Variants in ANKRD17 observed in about 807,000 individuals in gnomAD.
The protein encoded by ANKRD17 is ankyrin repeat domain-containing protein 17.
ANKRD17 carries 19 observed loss-of-function variants against 229.7 expected under a neutral mutation model. The observed-to-expected ratio is 0.08, with a 90% confidence interval of 0.06 to 0.12. The LOEUF is 0.12. ANKRD17 is among the 10% of genes least tolerant of loss of function. The pLI, the probability that ANKRD17 is intolerant of heterozygous loss-of-function variation, is 1.00. For missense variants in ANKRD17, 2,176 were observed against 3,176.8 expected (o/e 0.68, Z 7.57); for synonymous variants, 1,112 against 1,146.1 (o/e 0.97, Z 0.60).
intron 10 of ANKRD17, 58 bp downstream of exon 10, chr4:73,146,706 A>C: frequency 8.0e-7 from 1 of 1,251,166 alleles, no homozygotes; most frequent in Non-Finnish European, 1.1e-6. Context: ...GACTCTCCAT[A>C]ATTTAAAATT....
At chr4:73,226,639 C>T (rs1163488663) in intron 1 of ANKRD17, among the ~76,000 whole-genome samples, 1 of 149,912 alleles carries the variant, frequency 6.7e-6, no homozygotes, top group Non-Finnish European at 1.5e-5. Context: ...GTAATTCACC[C>T]GCCTCAGACT....
Position 73,170,536 on chromosome 4 carries a change from G to GGT in ANKRD17, c.547+6843_547+6844insAC, listed in dbSNP as rs1245052371. ...CAACAGTGACAGCACAGTTGGGGTCGGGGGGCGGGGGGCTGTTAAGTAGAA... is the reference window on the plus strand; with the variant it reads ...CAACAGTGACAGCACAGTTGGGGTCGGTGGGGGCGGGGGGCTGTTAAGTAGAA... On this transcript the variant is annotated intron_variant, in intron 2 of 33. Coordinates refer to ENST00000358602, the MANE Select transcript of ANKRD17 (RefSeq NM_032217.5). Among the ~76,000 whole-genome samples, 71 of 151,634 alleles carry GGT rather than the reference G, an allele frequency of 4.7e-4. No individual in the cohort carries two copies. In the South Asian group the frequency reaches 0.015, roughly 31 times the overall value.
intron 21 of ANKRD17, 91 bp from the exon 22 acceptor site, chr4:73,118,941 C>T: frequency 7.4e-7 from 1 of 1,343,926 alleles, no homozygotes; most frequent in Non-Finnish European, 9.9e-7. Flanking sequence ...GGCTGGAGTG[C>T]AGTGGTGAGA....
At position 73,077,115 on chromosome 4, in the gene ANKRD17, G is replaced by A; in HGVS notation, c.7588-11C>T. Reference sequence around the variant, plus strand: ...AGAAAAAGGCATACCCTTAAAAAAGGAAAACACACACATTAACATCCAAGT... The same window carrying A: ...AGAAAAAGGCATACCCTTAAAAAAGAAAAACACACACATTAACATCCAAGT... On this transcript the variant is annotated splice_polypyrimidine_tract_variant and intron_variant, in intron 32 of 33. Coordinates refer to ENST00000358602, the MANE Select transcript of ANKRD17 (RefSeq NM_032217.5). The A allele has an allele frequency of 1.9e-6, 3 of 1,553,224 alleles. No individual in the cohort carries two copies. Among genetic ancestry groups the A allele is most frequent in the Middle Eastern group, 3.4e-4 (2 of 5,802 alleles).
rs1412119276 is a variant in ANKRD17 at position 73,151,508 on chromosome 4, C to T, written c.1251G>A (p.Val417=). Residue 417 remains valine (V), a synonymous_variant, in exon 7 of 34, where the codon GTG becomes GTA. Transcript: ENST00000358602. ...LACYKGHLEM[V]RFLLEAGADQ... ...CCGCGCCTGCTTCCAAAAGAAATCG[C>T]ACCATCTCTAAGTGTCCTAAACCAA... 6.2e-7 allele frequency: 1 copy of T among 1,608,798 alleles called. No individual in the cohort carries two copies. Among genetic ancestry groups the T allele is most frequent in the Admixed American group, 1.7e-5 (1 of 59,608 alleles).
chr4:73,086,734 G>A (rs968251672), intron 29 of ANKRD17, among the ~76,000 whole-genome samples: 2 of 148,960 alleles, frequency 1.3e-5, no homozygotes, highest in South Asian at 2.1e-4. Context: ...GGCTACAGGT[G>A]TTCACCATTA....
chr4:73,116,816 C>T (rs1442163657), intron 22 of ANKRD17, among the ~76,000 whole-genome samples: 1 of 151,568 alleles, frequency 6.6e-6, no homozygotes, highest in African/African-American at 2.4e-5. Flanking sequence ...TATGTATATA[C>T]ATATATAGAC....
chr4:73,203,367 T>C (rs1251474417), intron 1 of ANKRD17, among the ~76,000 whole-genome samples: 1 of 152,148 alleles, frequency 6.6e-6, no homozygotes. Context: ...AAAAAAGATG[T>C]ACAGAGGCAA....
Position 73,204,614 on chromosome 4 carries a change from T to C in ANKRD17, c.394-27081A>G, listed in dbSNP as rs192169779. Among the ~76,000 whole-genome samples, 670 of 152,126 alleles carry C rather than the reference T, an allele frequency of 4.4e-3. 2 individuals carry two copies. The highest frequency in any genetic ancestry group is 6.6e-3 in the Non-Finnish European group (449 of 67,976). Reference sequence around the variant, plus strand: ...GTAATAAAGAGCACTAGAAATGGCATAAAATGGATATCTTCTTTTTCCTCA... The same window carrying C: ...GTAATAAAGAGCACTAGAAATGGCACAAAATGGATATCTTCTTTTTCCTCA... On this transcript the variant is annotated intron_variant, in intron 1 of 33. Transcript: ENST00000358602.
chr4:73,249,101 A>G (rs1010353130), intron 1 of ANKRD17, among the ~76,000 whole-genome samples: 4 of 152,210 alleles, frequency 2.6e-5, no homozygotes, highest in Non-Finnish European at 5.9e-5. Flanking sequence ...GGTAACATAT[A>G]TTTATTCTAA....
At chr4:73,191,462 T>C (rs1578337849) in intron 1 of ANKRD17, among the ~76,000 whole-genome samples, 1 of 101,848 alleles carries the variant, frequency 9.8e-6, no homozygotes, top group Non-Finnish European at 2.0e-5. Flanking sequence ...AGAGATTATG[T>C]TGTTGCTATA....
intron 1 of ANKRD17, among the ~76,000 whole-genome samples, chr4:73,190,859 G>A (rs1402443134): frequency 6.6e-6 from 1 of 151,568 alleles, no homozygotes; most frequent in Non-Finnish European, 1.5e-5. Context: ...AGACCTACAG[G>A]AAAAAAACTG....
intron 1 of ANKRD17, among the ~76,000 whole-genome samples, chr4:73,225,236 A>T (rs1742344844): frequency 6.6e-6 from 1 of 152,090 alleles, no homozygotes; most frequent in Admixed American, 6.6e-5. Context: ...CCCTTCCTCA[A>T]ATTTTCCTCT....
chr4:73,124,232 G>A (rs947579636), intron 18 of ANKRD17, among the ~76,000 whole-genome samples: 74 of 135,714 alleles, frequency 5.5e-4, no homozygotes, highest in African/African-American at 2.0e-3. Context: ...GATAGAGAAG[G>A]GAATCTATGG....
At chr4:73,135,287 C>T in intron 15 of ANKRD17, 22 bp from the exon 16 acceptor site, 2 of 1,597,982 alleles carry the variant, frequency 1.3e-6, no homozygotes, top group Non-Finnish European at 1.7e-6. Flanking sequence ...AATAACTGCA[C>T]TTAATAAGGA....
intron 30 of ANKRD17, among the ~76,000 whole-genome samples, chr4:73,082,236 A>G (rs1474862834): frequency 1.3e-5 from 2 of 152,024 alleles, no homozygotes; most frequent in Non-Finnish European, 2.9e-5. Flanking sequence ...TTGGGAGGCT[A>G]AAGTGGGAGG....
chr4:73,105,389 G>C (rs532980281), intron 24 of ANKRD17, among the ~76,000 whole-genome samples: 1 of 151,288 alleles, frequency 6.6e-6, no homozygotes, highest in East Asian at 1.9e-4. Context: ...CATATATAAA[G>C]AGAGTTTATG....
chr4:73,096,994 T>C lies in ANKRD17; in HGVS notation c.5177+123A>G. On this transcript the variant is annotated intron_variant, in intron 27 of 33. Transcript: ENST00000358602. ...CACAGGCTCTCTCTGTTGGTCAAAT[T>C]TAGCCTTGAACCATCAGTTTGTTTG... The C allele has an allele frequency of 2.6e-6, 3 of 1,147,686 alleles. No homozygotes were observed. The South Asian group carries it at 5.1e-5, about 19-fold the overall frequency. The allele number at this position is 1,147,686 out of a possible 1,614,324, so 71.1% of individuals were successfully genotyped here.
At chr4:73,093,376 CT>C (rs11368928) in intron 28 of ANKRD17, among the ~76,000 whole-genome samples, 63 of 112,802 alleles carry the variant, frequency 5.6e-4, no homozygotes, top group Non-Finnish European at 7.1e-4. Context: ...AACTCAAATT[CT>C]TTTTTTTTTT....
Sources: allele counts gnomAD v4.1 joint callset (sites outside exome capture counted in the v4.1 genomes callset), GRCh38; gene constraint gnomAD v4.1.1; transcripts MANE v1.5; gene names NCBI Gene and HGNC (gene_info 2026-07-23, HGNC 2026-07-21).